The following OPCML variants were observed in gnomAD, a reference collection of about 807,000 sequenced individuals.
OPCML encodes opioid binding protein/cell adhesion molecule like, also known as opioid-binding protein/cell adhesion molecule.
In OPCML, 13 loss-of-function variants were observed where a neutral mutation model predicts 37.8. The ratio of observed to expected loss-of-function variants is 0.34; its 90% CI spans 0.22 to 0.55. The LOEUF (loss-of-function observed/expected upper bound fraction) is 0.55, where lower values mean the gene tolerates loss of function less well. OPCML is among the 20% of genes least tolerant of loss of function. OPCML has a pLI of 0.91. For missense variants in OPCML, 341 were observed against 435.6 expected, an observed-to-expected ratio of 0.78 and a Z score of 1.93; for synonymous variants, 176 against 168.8, an observed-to-expected ratio of 1.04 and a Z score of -0.33.
At chr11:133,284,019 C>T (rs1942232609) in intron 1 of OPCML, among the ~76,000 whole-genome samples, 1 of 152,156 alleles carries the variant, frequency 6.6e-6, no homozygotes, top group South Asian at 2.1e-4. Flanking sequence ...CAGTAATCAG[C>T]CAAGCTCTTT....
Position 133,398,695 on chromosome 11 carries a change from C to T in OPCML, c.61+133569G>A, listed in dbSNP as rs553502885. ...AATGACCTAAATATCTTTGTTATTG[C>T]ATTCTTAAGTCTATAGGGACCATGA... On this transcript the variant is annotated intron_variant, in intron 1 of 7. Transcript: ENST00000524381. 5.3e-5 allele frequency among the ~76,000 whole-genome samples: 8 copies of T among 152,162 alleles called. No homozygotes were observed. In the East Asian group the frequency reaches 1.5e-3, roughly 29 times the overall value.
chr11:133,382,180 C>T (rs950725569), intron 1 of OPCML, among the ~76,000 whole-genome samples: 2 of 152,230 alleles, frequency 1.3e-5, no homozygotes, highest in Admixed American at 1.3e-4. Context: ...ACATAATCTG[C>T]CCCCTGACCC....
chr11:133,293,648 A>G (rs1942543694), intron 1 of OPCML, among the ~76,000 whole-genome samples: 1 of 152,190 alleles, frequency 6.6e-6, no homozygotes, highest in Non-Finnish European at 1.5e-5. Context: ...GGTCACCTTC[A>G]GCATCTCAGT....
chr11:132,846,503 T>C (rs139379614), intron 2 of OPCML, among the ~76,000 whole-genome samples: 1 of 152,184 alleles, frequency 6.6e-6, no homozygotes, highest in African/African-American at 2.4e-5. Flanking sequence ...GTGTTTTAAA[T>C]CCCTCAAATA....
At chr11:133,406,004 G>C (rs956146776) in intron 1 of OPCML, among the ~76,000 whole-genome samples, 5 of 152,096 alleles carry the variant, frequency 3.3e-5, no homozygotes, top group South Asian at 2.1e-4. Context: ...TGCTCCTTTT[G>C]TCTGGGTCTT....
chr11:133,489,541 A>T (rs1037546007), intron 1 of OPCML, among the ~76,000 whole-genome samples: 1 of 152,194 alleles, frequency 6.6e-6, no homozygotes, highest in Non-Finnish European at 1.5e-5. Flanking sequence ...ATCTTACACC[A>T]GTCAGAATGA....
At chr11:132,953,645 A>G (rs150872162) in intron 1 of OPCML, among the ~76,000 whole-genome samples, 79 of 152,272 alleles carry the variant, frequency 5.2e-4, no homozygotes, top group African/African-American at 1.9e-3. Context: ...TGGTCTCACT[A>G]TAGTATCTAA....
intron 2 of OPCML, among the ~76,000 whole-genome samples, chr11:132,882,563 CT>C (rs1251630293): frequency 3.3e-5 from 5 of 152,216 alleles, no homozygotes; most frequent in Non-Finnish European, 7.3e-5. Flanking sequence ...AATCCCCCAA[CT>C]TCACCCCTTT....
At chr11:133,443,552 G>A (rs918349340) in intron 1 of OPCML, among the ~76,000 whole-genome samples, 1 of 152,150 alleles carries the variant, frequency 6.6e-6, no homozygotes, top group African/African-American at 2.4e-5. Context: ...ACTTCATCCT[G>A]GCTGGAAATA....
At chr11:133,156,053 C>T (rs2137203411) in intron 1 of OPCML, among the ~76,000 whole-genome samples, 1 of 152,326 alleles carries the variant, frequency 6.6e-6, no homozygotes, top group South Asian at 2.1e-4. Context: ...AGTCCATTGT[C>T]TTTGCCGTTA....
intron 1 of OPCML, among the ~76,000 whole-genome samples, chr11:133,286,762 T>G (rs569444585): frequency 6.6e-6 from 1 of 152,130 alleles, no homozygotes; most frequent in South Asian, 2.1e-4. Context: ...CACTCTAAAA[T>G]CCATGAATAA....
intron 2 of OPCML, among the ~76,000 whole-genome samples, chr11:132,689,555 G>A (rs1293041622): frequency 6.6e-6 from 1 of 152,156 alleles, no homozygotes; most frequent in Non-Finnish European, 1.5e-5. Context: ...AAAAACATTT[G>A]TTTAGCTGTA....
chr11:133,092,786 A>C (rs1202009069), intron 1 of OPCML, among the ~76,000 whole-genome samples: 2 of 152,112 alleles, frequency 1.3e-5, no homozygotes, highest in Admixed American at 6.6e-5. Context: ...CTCTGTGAGA[A>C]GGTTGGTACA....
chr11:133,315,680 T>C (rs7949869), intron 1 of OPCML, among the ~76,000 whole-genome samples: 132,746 of 152,178 alleles, frequency 0.87, 58,290 homozygotes, highest in East Asian at 0.97. Flanking sequence ...TGCTTGTAGT[T>C]CCAGCTACTT....
intron 2 of OPCML, among the ~76,000 whole-genome samples, chr11:132,866,555 G>A (rs1942566248): frequency 6.6e-6 from 1 of 152,200 alleles, no homozygotes; most frequent in Admixed American, 6.5e-5. Flanking sequence ...AATCGACAAG[G>A]AACAATCGTG....
At chr11:133,015,229 G>A (rs1369836256) in intron 1 of OPCML, among the ~76,000 whole-genome samples, 1 of 151,984 alleles carries the variant, frequency 6.6e-6, no homozygotes, top group East Asian at 1.9e-4. Context: ...ATAAAAGAGG[G>A]AGGACACACA....
At chr11:132,730,530 G>A (rs1238825360) in intron 2 of OPCML, among the ~76,000 whole-genome samples, 1 of 152,078 alleles carries the variant, frequency 6.6e-6, no homozygotes, top group Non-Finnish European at 1.5e-5. Flanking sequence ...TAAAAATGTG[G>A]TGATGGAACT....
intron 3 of OPCML, among the ~76,000 whole-genome samples, chr11:132,542,784 C>A (rs1485646484): frequency 6.6e-6 from 1 of 152,162 alleles, no homozygotes; most frequent in African/African-American, 2.4e-5. Flanking sequence ...GGCCATCTAT[C>A]TGGAATCAGC....
At chr11:132,782,917 G>GTATATATA (rs59984496) in intron 2 of OPCML, among the ~76,000 whole-genome samples, 1,762 of 124,964 alleles carry the variant, frequency 0.014, 14 homozygotes, top group African/African-American at 0.021. Flanking sequence ...TATAGTGTGT[G>GTATATATA]TATATATATA....
Sources: gnomAD v4.1 joint callset for allele counts (sites outside exome capture counted in the v4.1 genomes callset) on GRCh38, gnomAD v4.1.1 for gene constraint, MANE v1.5 for transcripts, NCBI Gene and HGNC (gene_info 2026-07-23, HGNC 2026-07-21) for gene names.